The following ATG7 variants were observed in gnomAD, a reference collection of about 807,000 sequenced individuals.
ATG7 encodes the protein autophagy related 7, also known as ubiquitin-like modifier-activating enzyme ATG7.
ATG7 carries 70 observed loss-of-function variants against 82.4 expected under a neutral mutation model. The ratio of observed to expected loss-of-function variants is 0.85; its 90% CI spans 0.70 to 1.04. The LOEUF (loss-of-function observed/expected upper bound fraction) is 1.04, where lower values mean the gene tolerates loss of function less well. Among genes scored for constraint, ATG7 ranks in the 50% least tolerant of loss-of-function variants. The pLI, the probability that ATG7 is intolerant of heterozygous loss-of-function variation, is 0.00. For synonymous variants in ATG7, 287 were observed against 313.0 expected, an observed-to-expected ratio of 0.92 and a Z score of 0.88; for missense variants, 792 against 864.3, an observed-to-expected ratio of 0.92 and a Z score of 1.05.
At chr3:11,416,504 T>C (rs952694836) in intron 19 of ATG7, among the ~76,000 whole-genome samples, 2 of 152,206 alleles carry the variant, frequency 1.3e-5, no homozygotes, top group Non-Finnish European at 2.9e-5. Context: ...GAGTTGTTGA[T>C]AGTATTCTTT....
Position 11,490,611 on chromosome 3 carries a change from G to A in ATG7, c.2079+63685G>A, listed in dbSNP as rs1419911148. On this transcript the variant is annotated intron_variant, in intron 20 of 20. Transcript: ENST00000693202. ...GCATGATTTTGCAGTGGCTGGTACC[G>A]GTTGTTCCTTTCCATGTTTAGTGGT... Among the ~76,000 whole-genome samples, 55 of 152,234 alleles carry A rather than the reference G, an allele frequency of 3.6e-4. No individual in the cohort carries two copies. In the South Asian group the frequency reaches 5.0e-3, roughly 14 times the overall value.
At chr3:11,299,264 G>T in intron 4 of ATG7, 98 bp from the exon 5 acceptor site, 1 of 1,225,632 alleles carries the variant, frequency 8.2e-7, no homozygotes. Context: ...GGGGCGCCTT[G>T]GGCTCAACAA....
the ATG7 span, among the ~76,000 whole-genome samples, chr3:11,567,885 G>C: frequency 4.6e-5 from 7 of 152,338 alleles, no homozygotes; most frequent in South Asian, 1.0e-3. Flanking sequence ...CCCAGGTGAT[G>C]CTTCCACGGG....
At chr3:11,379,932 G>T in intron 18 of ATG7, 40 bp from the exon 19 acceptor site, 1 of 1,584,326 alleles carries the variant, frequency 6.3e-7, no homozygotes, top group Non-Finnish European at 8.7e-7. Context: ...TGTGGTCGTT[G>T]TGTGTTTGAT....
At chr3:11,316,469 T>C (rs1382971723) in intron 9 of ATG7, among the ~76,000 whole-genome samples, 1 of 152,230 alleles carries the variant, frequency 6.6e-6, no homozygotes, top group Non-Finnish European at 1.5e-5. Flanking sequence ...CTCTCTGTCT[T>C]ATTGAAATTC....
At chr3:11,437,383 C>T (rs2083460445) in intron 20 of ATG7, among the ~76,000 whole-genome samples, 1 of 152,170 alleles carries the variant, frequency 6.6e-6, no homozygotes. Flanking sequence ...CCAAATGCCT[C>T]CCCTCTGTGC....
At chr3:11,517,795 C>T (rs1352477779) in intron 20 of ATG7, among the ~76,000 whole-genome samples, 2 of 152,190 alleles carry the variant, frequency 1.3e-5, no homozygotes, top group Non-Finnish European at 2.9e-5. Context: ...GAGAGTCGGG[C>T]AATTGAGTTG....
the ATG7 span, chr3:11,568,736 C>T: frequency 1.8e-5 from 28 of 1,534,224 alleles, no homozygotes; most frequent in East Asian, 4.9e-5. The surrounding 1 kb of genome is among the most constrained non-coding windows in gnomAD (Gnocchi z 5.9). Context: ...GGCAGAAAAC[C>T]GCACGCATCC....
At chr3:11,357,792 T>C (rs2152807019) in intron 14 of ATG7, among the ~76,000 whole-genome samples, 1 of 152,046 alleles carries the variant, frequency 6.6e-6, no homozygotes, top group Non-Finnish European at 1.5e-5. Context: ...GGAGGATTCC[T>C]TGAGCCAAGG....
intron 20 of ATG7, among the ~76,000 whole-genome samples, chr3:11,515,357 G>C (rs1265286127): frequency 6.6e-6 from 1 of 151,832 alleles, no homozygotes; most frequent in Non-Finnish European, 1.5e-5. Context: ...AGGCTGGAGT[G>C]CAGTGGCACG....
At chr3:11,390,440 C>T (rs193146516) in intron 19 of ATG7, among the ~76,000 whole-genome samples, 2 of 152,310 alleles carry the variant, frequency 1.3e-5, no homozygotes, top group South Asian at 2.1e-4. Context: ...TTCCAATAGG[C>T]GCTGAAAGTA....
intron 7 of ATG7, among the ~76,000 whole-genome samples, 194 bp from the exon 8 acceptor site, chr3:11,313,110 G>A (rs1948919785): frequency 6.6e-6 from 1 of 152,132 alleles, no homozygotes; most frequent in African/African-American, 2.4e-5. Context: ...TGGTATATGA[G>A]ACTATTTTGG....
intron 1 of ATG7, among the ~76,000 whole-genome samples, chr3:11,274,504 A>G (rs9867601): frequency 6.6e-6 from 1 of 152,102 alleles, no homozygotes; most frequent in South Asian, 2.1e-4. Context: ...AGATGAGCAA[A>G]GGGCTAGAGG....
At chr3:11,343,796 G>T (rs1262058964) in intron 13 of ATG7, among the ~76,000 whole-genome samples, 2 of 151,992 alleles carry the variant, frequency 1.3e-5, no homozygotes, top group Non-Finnish European at 2.9e-5. Flanking sequence ...ATATACCTGA[G>T]TCTCTTTATG....
intron 20 of ATG7, among the ~76,000 whole-genome samples, chr3:11,502,884 CCT>C (rs2091443477): frequency 6.6e-6 from 1 of 152,094 alleles, no homozygotes; most frequent in African/African-American, 2.4e-5. Context: ...AGACAACTGC[CCT>C]CTCTTATTCC....
intron 20 of ATG7, among the ~76,000 whole-genome samples, chr3:11,485,390 T>A (rs1305325728): frequency 6.6e-6 from 1 of 152,212 alleles, no homozygotes; most frequent in Admixed American, 6.5e-5. Flanking sequence ...ATGGGGTTGT[T>A]TGTTTTTTTC....
chr3:11,274,763 A>G (rs1941338593), intron 1 of ATG7, among the ~76,000 whole-genome samples: 1 of 152,150 alleles, frequency 6.6e-6, no homozygotes, highest in Non-Finnish European at 1.5e-5. Flanking sequence ...AAGAAGGGGA[A>G]ATAAAAACTG....
At chr3:11,526,807 T>C (rs1478677450) in intron 20 of ATG7, among the ~76,000 whole-genome samples, 1 of 152,224 alleles carries the variant, frequency 6.6e-6, no homozygotes, top group East Asian at 1.9e-4. Flanking sequence ...AAATTGTTCC[T>C]GACTTTGTTA....
intron 9 of ATG7, among the ~76,000 whole-genome samples, chr3:11,326,287 T>G (rs926381920): frequency 2.5e-5 from 1 of 39,304 alleles, no homozygotes; most frequent in Admixed American, 2.3e-4. Context: ...GTAAATGCTG[T>G]TTTTTTTTTG....
Sources: gnomAD v4.1 joint callset for allele counts (sites outside exome capture counted in the v4.1 genomes callset) on GRCh38, gnomAD v4.1.1 for gene constraint, Gnocchi (gnomAD v3.1) non-coding constraint, MANE v1.5 for transcripts, NCBI Gene and HGNC (gene_info 2026-07-23, HGNC 2026-07-21) for gene names.